MELK: variants seen among roughly 807,000 people sequenced by gnomAD.
The protein encoded by MELK is pEg3 kinase.
MELK carries 81 observed loss-of-function variants against 85.0 expected under a neutral mutation model. That is an observed-to-expected ratio of 0.95 (90% CI 0.80 to 1.15). The LOEUF is 1.15. Ranked by LOEUF, MELK falls within the 50% of genes most tolerant of loss-of-function variation. MELK has a pLI of 0.00. For synonymous variants in MELK, 252 were observed against 265.0 expected (o/e 0.95, Z 0.48); for missense variants, 754 against 777.5 (o/e 0.97, Z 0.36).
At chr9:36,640,614 T>G (rs1218430970) in intron 10 of MELK, among the ~76,000 whole-genome samples, 1 of 152,066 alleles carries the variant, frequency 6.6e-6, no homozygotes, top group Non-Finnish European at 1.5e-5. Context: ...ACCTGGCTAA[T>G]TTTTGAATAT....
Position 36,599,266 on chromosome 9 carries a change from A to C in MELK, c.475-128A>C, listed in dbSNP as rs1307507151. Reference sequence around the variant, plus strand: ...CAGTGAGCCGAGATTGCGCCATTGCACTCCAGCCTGGGTGACAGAGTGAGA... The same window carrying C: ...CAGTGAGCCGAGATTGCGCCATTGCCCTCCAGCCTGGGTGACAGAGTGAGA... On this transcript the variant is annotated intron_variant, in intron 6 of 17. Transcript: ENST00000298048. 7 of 551,188 alleles carry C rather than the reference A, an allele frequency of 1.3e-5. No homozygotes were observed. In the East Asian group the frequency reaches 2.2e-4, roughly 17 times the overall value. The allele number at this position is 551,188 out of a possible 1,614,324, so 34.1% of individuals were successfully genotyped here.
intron 17 of MELK, among the ~76,000 whole-genome samples, chr9:36,676,530 T>C (rs765551761): frequency 6.6e-6 from 1 of 152,196 alleles, no homozygotes; most frequent in Non-Finnish European, 1.5e-5. Flanking sequence ...GAGTAGATAA[T>C]GCGGCAGTTC....
chr9:36,584,446 T>C (rs1822635485), intron 3 of MELK, among the ~76,000 whole-genome samples: 1 of 149,976 alleles, frequency 6.7e-6, no homozygotes, highest in African/African-American at 2.4e-5. Flanking sequence ...GCCTCCTGAG[T>C]AGCTGGGACT....
intron 8 of MELK, among the ~76,000 whole-genome samples, chr9:36,617,715 A>G (rs911462312): frequency 3.9e-5 from 6 of 152,150 alleles, no homozygotes; most frequent in African/African-American, 1.4e-4. Context: ...TTCACTTTTT[A>G]AAAATGTTTA....
At chr9:36,630,178 C>T in intron 8 of MELK, 121 bp from the exon 9 acceptor site, 1 of 742,230 alleles carries the variant, frequency 1.3e-6, no homozygotes, top group Non-Finnish European at 2.3e-6. Context: ...ATAATGTTTA[C>T]CAAGTATTGT....
At chr9:36,573,468 A>G (rs1298672260) in intron 1 of MELK, among the ~76,000 whole-genome samples, 3 of 152,162 alleles carry the variant, frequency 2.0e-5, no homozygotes, top group African/African-American at 7.2e-5. Context: ...TCATCTCCCC[A>G]GAGTAGTGGC....
intron 8 of MELK, among the ~76,000 whole-genome samples, chr9:36,621,000 G>A (rs918883715): frequency 2.6e-5 from 4 of 151,934 alleles, no homozygotes; most frequent in Non-Finnish European, 4.4e-5. Flanking sequence ...GCTGGGCGCA[G>A]TGGCTCACGC....
At position 36,594,479 on chromosome 9, in the gene MELK, AGT is replaced by A. The variant is rs145230405; in HGVS notation, c.262-146_262-145del. 3,353 of 766,086 alleles carry A rather than the reference AGT, an allele frequency of 4.4e-3. 70 individuals carry two copies. In the African/African-American group the frequency reaches 0.049, roughly 11 times the overall value. 47.5% of individuals were successfully genotyped at this position (766,086 alleles called of 1,614,324 possible). On this transcript the variant is annotated intron_variant, in intron 4 of 17. Coordinates refer to ENST00000298048, the MANE Select transcript of MELK (RefSeq NM_014791.4). The stretch of plus-strand genomic sequence containing the variant: ...CATTATTGACTTGTTTGATCCTGAG[AGT>A]GTACTTTTGAATATACCTTACTCGG...
At chr9:36,638,348 T>G (rs1269568290) in intron 10 of MELK, among the ~76,000 whole-genome samples, 1 of 151,378 alleles carries the variant, frequency 6.6e-6, no homozygotes, top group Non-Finnish European at 1.5e-5. Context: ...TGCAGTGGTG[T>G]GATCTCGGCT....
intron 12 of MELK, 107 bp downstream of exon 12, chr9:36,651,984 G>T: frequency 5.5e-5 from 52 of 943,016 alleles, no homozygotes; most frequent in South Asian, 2.3e-4. Flanking sequence ...GAGGCAAGAT[G>T]TTTTATGATT....
At chr9:36,610,486 T>C (rs1825972445) in intron 8 of MELK, among the ~76,000 whole-genome samples, 1 of 152,196 alleles carries the variant, frequency 6.6e-6, no homozygotes. Context: ...TAACACCGCT[T>C]TGGGGACCCA....
At chr9:36,660,039 TC>T (rs1831636677) in intron 13 of MELK, among the ~76,000 whole-genome samples, 1 of 152,214 alleles carries the variant, frequency 6.6e-6, no homozygotes, top group Admixed American at 6.5e-5. Flanking sequence ...CCTCAAGTGA[TC>T]CACCTGCCTC....
In MELK at chr9:36,628,609, G is replaced by A. The variant is rs1161839019; in HGVS notation, c.667-1690G>A. Among the ~76,000 whole-genome samples, 11 of 150,896 alleles carry A rather than the reference G, an allele frequency of 7.3e-5. No individual in the cohort carries two copies. The East Asian group carries it at 1.6e-3, about 22-fold the overall frequency. On this transcript the variant is annotated intron_variant, in intron 8 of 17. Transcript: ENST00000298048. ...TAATTTTTGTATTTTTAGTAGAGAC[G>A]GGGTTTCACCATGTTGGCCAGGATG...
intron 11 of MELK, among the ~76,000 whole-genome samples, chr9:36,644,141 A>T (rs1463879853): frequency 6.6e-6 from 1 of 151,900 alleles, no homozygotes; most frequent in East Asian, 1.9e-4. Context: ...TGAAAGCATT[A>T]TCATGATTTC....
intron 14 of MELK, among the ~76,000 whole-genome samples, chr9:36,667,328 G>A (rs144100578): frequency 4.3e-4 from 66 of 151,936 alleles, no homozygotes; most frequent in African/African-American, 1.5e-3. Context: ...GCTAATTTTC[G>A]TATTTTTAGT....
intron 12 of MELK, among the ~76,000 whole-genome samples, chr9:36,655,632 A>T (rs911053804): frequency 1.3e-5 from 2 of 152,204 alleles, no homozygotes; most frequent in African/African-American, 4.8e-5. Context: ...AAATTAATCC[A>T]GTGGTGTATA....
At chr9:36,577,450 A>G (rs1821770927) in intron 1 of MELK, among the ~76,000 whole-genome samples, 1 of 151,910 alleles carries the variant, frequency 6.6e-6, no homozygotes, top group African/African-American at 2.4e-5. Context: ...TGGGAGGCGC[A>G]GGTTGCAGTG....
intron 8 of MELK, among the ~76,000 whole-genome samples, chr9:36,613,366 A>T (rs1452655420): frequency 6.6e-6 from 1 of 152,260 alleles, no homozygotes; most frequent in Non-Finnish European, 1.5e-5. Context: ...GTTACCAAAC[A>T]CCTAATATGT....
rs1354138235 is a variant in MELK at position 36,599,494 on chromosome 9, T to C, written c.567+8T>C. The C allele has an allele frequency of 4.4e-6, 7 of 1,590,460 alleles. 1 individual carries two copies. The South Asian group carries it at 6.6e-5, about 15-fold the overall frequency. The stretch of plus-strand genomic sequence containing the variant: ...TCATATCTTGGATCAGAGGTAATTA[T>C]TCATTGATTAATTCATTATATAATC... On this transcript the variant is annotated splice_region_variant and intron_variant, in intron 7 of 17. Coordinates refer to ENST00000298048, the MANE Select transcript of MELK (RefSeq NM_014791.4).
Sources: gnomAD v4.1 joint callset for allele counts (sites outside exome capture counted in the v4.1 genomes callset) on GRCh38, gnomAD v4.1.1 for gene constraint, MANE v1.5 for transcripts, NCBI Gene and HGNC (gene_info 2026-07-23, HGNC 2026-07-21) for gene names.